Variants in GABRB2 observed in about 807,000 individuals in gnomAD.
The protein encoded by GABRB2 is gamma-aminobutyric acid receptor subunit beta-2.
GABRB2 carries 16 observed loss-of-function variants against 54.7 expected under a neutral mutation model. The observed-to-expected ratio is 0.29, with a 90% CI of 0.20 to 0.44. GABRB2 has a LOEUF of 0.44. Among genes scored for constraint, GABRB2 ranks in the 20% least tolerant of loss-of-function variants. GABRB2 has a pLI of 1.00. For synonymous variants in GABRB2, 244 were observed against 233.8 expected, an observed-to-expected ratio of 1.04 and a Z score of -0.40; for missense variants, 355 against 644.0, an observed-to-expected ratio of 0.55 and a Z score of 4.86.
At chr5:161,364,395 C>T (rs1225834739) in intron 5 of GABRB2, among the ~76,000 whole-genome samples, 3 of 152,076 alleles carry the variant, frequency 2.0e-5, no homozygotes, top group African/African-American at 7.2e-5. Flanking sequence ...AGTATTATCT[C>T]CATTCCCTGG....
At chr5:161,337,823 A>G (rs896489839) in intron 5 of GABRB2, among the ~76,000 whole-genome samples, 1 of 152,190 alleles carries the variant, frequency 6.6e-6, no homozygotes, top group African/African-American at 2.4e-5. Context: ...CATATGTCAC[A>G]TTCCATGTGA....
chr5:161,362,567 G>T (rs934642239), intron 5 of GABRB2, among the ~76,000 whole-genome samples: 6 of 152,078 alleles, frequency 3.9e-5, no homozygotes, highest in Admixed American at 3.9e-4. Flanking sequence ...CACAGCAAAA[G>T]AAACTTTCAT....
chr5:161,401,301 A>G (rs1471402067), intron 5 of GABRB2, among the ~76,000 whole-genome samples: 1 of 152,224 alleles, frequency 6.6e-6, no homozygotes, highest in East Asian at 1.9e-4. Flanking sequence ...TAGAAATAAT[A>G]AAATAATAAT....
rs1757232582 is a variant in GABRB2 at position 161,291,331 on chromosome 5, T to C, written c.*2750A>G. 1 of 152,220 alleles carries C rather than the reference T, an allele frequency of 6.6e-6. No homozygotes were observed. 9.4% of individuals were successfully genotyped at this position (152,220 alleles called of 1,614,324 possible). On this transcript the variant is annotated 3_prime_UTR_variant, in exon 10 of 10. Transcript: ENST00000393959. ...ATCAGAACTACTAAACACACCTTTG[T>C]GGTCCTTTAGTTTAACAACTGGCTA...
intron 4 of GABRB2, among the ~76,000 whole-genome samples, chr5:161,457,357 TGTC>T (rs1431294004): frequency 3.9e-5 from 6 of 152,180 alleles, no homozygotes; most frequent in African/African-American, 9.7e-5. Flanking sequence ...AAGAATAACT[TGTC>T]GTCATTTTTG....
In GABRB2 at chr5:161,331,179, T is replaced by A. The variant is rs778669441; in HGVS notation, c.833-52A>T. On this transcript the variant is annotated intron_variant, in intron 7 of 9. Coordinates refer to ENST00000393959, the MANE Select transcript of GABRB2 (RefSeq NM_001371727.1). ...AATAATGTTCCTATCTCTTTTCTTCTTTCTTAATAGCTGGAAAGGTGATCT... is the reference window on the plus strand; with the variant it reads ...AATAATGTTCCTATCTCTTTTCTTCATTCTTAATAGCTGGAAAGGTGATCT... 13 of 1,499,082 alleles carry A rather than the reference T, an allele frequency of 8.7e-6. No individual in the cohort carries two copies. In the South Asian group the frequency reaches 1.7e-4, roughly 19 times the overall value. 92.9% of individuals were successfully genotyped at this position (1,499,082 alleles called of 1,614,324 possible).
chr5:161,459,131 TC>T, intron 4 of GABRB2: 1 of 164,972 alleles, frequency 6.1e-6, no homozygotes, highest in Non-Finnish European at 1.3e-5. Flanking sequence ...AGTATACATT[TC>T]CCATTAATAA....
At chr5:161,304,678 C>T in intron 9 of GABRB2, among the ~76,000 whole-genome samples, 1 of 119,440 alleles carries the variant, frequency 8.4e-6, no homozygotes, top group Admixed American at 8.8e-5. Context: ...CTATAGATCA[C>T]TGATTTGTTT....
upstream of GABRB2, chr5:161,547,089 G>T (rs1761010840): frequency 1.2e-5 from 2 of 160,408 alleles, no homozygotes; most frequent in Admixed American, 6.1e-5. Context: ...GCGTGCCAGC[G>T]GAAGATAGGT....
rs777552213 is a variant in GABRB2, at chr5:161,546,396, T to C, written c.95A>G (p.Asn32Ser). 6 of 1,613,838 alleles carry C rather than the reference T, an allele frequency of 3.7e-6. No individual in the cohort carries two copies. Among genetic ancestry groups the C allele is most frequent in the Non-Finnish European group, 5.1e-6 (6 of 1,179,870 alleles). ...VCAQSVNDPS[N>S]MSLVKETVDR... is the part of the protein sequence containing the mutation. ...CACCGTCTCTTTAACCAGCGACATA[T>C]TACTAGGGTCATTGACACTAAAGAA... The change falls in exon 2 of 10, where the codon AAT (asparagine) becomes AGT (serine). Residue 32 changes from asparagine to serine, a missense_variant. Transcript: ENST00000393959.
intron 9 of GABRB2, among the ~76,000 whole-genome samples, chr5:161,304,203 A>T (rs1757616598): frequency 6.6e-6 from 1 of 152,204 alleles, no homozygotes; most frequent in Non-Finnish European, 1.5e-5. Context: ...AAGGACATTT[A>T]AATTCCAAAC....
chr5:161,433,048 A>G (rs1203545542), intron 4 of GABRB2, among the ~76,000 whole-genome samples: 1 of 152,126 alleles, frequency 6.6e-6, no homozygotes, highest in Non-Finnish European at 1.5e-5. Flanking sequence ...TATGCTCTTC[A>G]ATGTGTGAGC....
intron 5 of GABRB2, among the ~76,000 whole-genome samples, chr5:161,356,972 CAAAACA>C (rs1412716580): frequency 1.3e-5 from 2 of 152,076 alleles, no homozygotes; most frequent in Non-Finnish European, 1.5e-5. Flanking sequence ...GCACATTGGT[CAAAACA>C]AAAACAAAAA....
At chr5:161,374,898 G>A (rs186074586) in intron 5 of GABRB2, among the ~76,000 whole-genome samples, 19 of 152,078 alleles carry the variant, frequency 1.2e-4, no homozygotes, top group Middle Eastern at 6.8e-3. Context: ...TCAGCTTATT[G>A]CTGAGGACAG....
rs1757285217 is a variant in GABRB2, at chr5:161,293,308, T to C, written c.*773A>G. On this transcript the variant is annotated 3_prime_UTR_variant, in exon 10 of 10. Transcript: ENST00000393959. ...TGCTTTCTTGCTTGCTTGCTTTTTG[T>C]TACAACCGTCGTTTCTGATTTTCTA... 1 of 152,318 alleles carries C rather than the reference T, an allele frequency of 6.6e-6. No individual in the cohort carries two copies. The highest frequency in any genetic ancestry group is 1.5e-5 in the Non-Finnish European group (1 of 68,122). The allele number at this position is 152,318 out of a possible 1,614,324, so 9.4% of individuals were successfully genotyped here. A position where few individuals can be genotyped will look rare whatever the true frequency, so the allele number is the denominator to read the frequency against.
intron 3 of GABRB2, among the ~76,000 whole-genome samples, chr5:161,515,367 G>A (rs895932327): frequency 2.6e-5 from 4 of 151,888 alleles, no homozygotes; most frequent in African/African-American, 9.7e-5. Context: ...TCTATTCGGG[G>A]GATAGTTTGC....
At chr5:161,546,110 G>T (rs1259878343) in intron 2 of GABRB2, among the ~76,000 whole-genome samples, 1 of 152,234 alleles carries the variant, frequency 6.6e-6, no homozygotes, top group Admixed American at 6.5e-5. Flanking sequence ...CCAAATTTGA[G>T]TACACACTAA....
At chr5:161,337,535 A>G (rs1184937973) in intron 5 of GABRB2, among the ~76,000 whole-genome samples, 2 of 152,110 alleles carry the variant, frequency 1.3e-5, no homozygotes, top group South Asian at 2.1e-4. Flanking sequence ...TTAAACACCT[A>G]CTATGCATAT....
intron 5 of GABRB2, among the ~76,000 whole-genome samples, chr5:161,409,014 C>T (rs1756428341): frequency 6.6e-6 from 1 of 152,036 alleles, no homozygotes; most frequent in African/African-American, 2.4e-5. Context: ...ATTAATATAA[C>T]ACCATATCTA....
Sources: gnomAD v4.1 joint callset for allele counts (sites outside exome capture counted in the v4.1 genomes callset) on GRCh38, gnomAD v4.1.1 for gene constraint, MANE v1.5 for transcripts, NCBI Gene and HGNC (gene_info 2026-07-23, HGNC 2026-07-21) for gene names.